CFAP65: variants seen among roughly 807,000 people sequenced by gnomAD.
CFAP65 encodes cilia and flagella associated protein 65.
A neutral mutation model predicts 208.0 loss-of-function variants in CFAP65; 155 were observed. The observed-to-expected ratio is 0.75, with a 90% CI of 0.65 to 0.85. CFAP65 has a LOEUF of 0.85. Ranked by LOEUF, CFAP65 falls within the 40% of genes least tolerant of loss-of-function variation. CFAP65 has a pLI of 0.00. For synonymous variants in CFAP65, 970 were observed against 986.3 expected, an observed-to-expected ratio of 0.98 and a Z score of 0.31; for missense variants, 2,294 against 2,451.3, an observed-to-expected ratio of 0.94 and a Z score of 1.36.
At chr2:219,035,785 GA>G in intron 4 of CFAP65, 121 bp from the exon 5 acceptor site, 1 of 1,456,814 alleles carries the variant, frequency 6.9e-7, no homozygotes, top group Non-Finnish European at 9.0e-7. Context: ...AAGACAAGAA[GA>G]AAAACGATGA....
rs1948139597 is a variant in CFAP65, at chr2:219,032,895, G to A, written c.543-323C>T. On this transcript the variant is annotated intron_variant, in intron 5 of 34. Transcript: ENST00000341552. The surrounding 1 kb of genome is among the most constrained non-coding windows in gnomAD (Gnocchi z 5.5). ...ATTTTAAAGAGTCCGCAAGCACTGA[G>A]GTGGGGGAACCAAGGCTGAGGAGGG... Among the ~76,000 whole-genome samples, 1 of 152,162 alleles carries A rather than the reference G, an allele frequency of 6.6e-6. No individual in the cohort carries two copies. The highest frequency in any genetic ancestry group is 1.5e-5 in the Non-Finnish European group (1 of 68,024).
intron 2 of CFAP65, among the ~76,000 whole-genome samples, chr2:219,040,253 A>G (rs1401036589): frequency 6.6e-6 from 1 of 152,122 alleles, no homozygotes; most frequent in Non-Finnish European, 1.5e-5. Context: ...CCTTATTTTA[A>G]TGTGTTCAGA....
intron 29 of CFAP65, among the ~76,000 whole-genome samples, chr2:219,007,182 G>GTTT (rs772921583): frequency 3.5e-5 from 5 of 143,082 alleles, no homozygotes; most frequent in Non-Finnish European, 7.7e-5. Context: ...TTTTTTCTTT[G>GTTT]TTTTTTTTTT....
chr2:219,004,517 T>C lies in CFAP65; in HGVS notation c.5052-62A>G. ...GGGCCCTGAAGCCCCTGGGGAGCCC[T>C]GGCTTCAGAGCTAGGTTCTAGGTGG... On this transcript the variant is annotated intron_variant, in intron 32 of 34. Transcript: ENST00000341552. This position sits in a 1 kb window ranked among gnomAD's most constrained non-coding sequence, Gnocchi z 4.7. 1 of 1,528,114 alleles carries C rather than the reference T, an allele frequency of 6.5e-7. No individual in the cohort carries two copies. 94.7% of individuals were successfully genotyped at this position (1,528,114 alleles called of 1,614,324 possible). A position where few individuals can be genotyped will look rare whatever the true frequency, so the allele number is the denominator to read the frequency against.
intron 27 of CFAP65, among the ~76,000 whole-genome samples, chr2:219,009,727 G>A (rs1162163627): frequency 1.2e-5 from 1 of 82,572 alleles, no homozygotes; most frequent in African/African-American, 5.5e-5. Flanking sequence ...GGAGTAGAAT[G>A]GGGTGGGGTG....
chr2:219,040,988 T>A (rs1948626031), intron 1 of CFAP65, among the ~76,000 whole-genome samples: 2 of 152,286 alleles, frequency 1.3e-5, no homozygotes, highest in Admixed American at 1.3e-4. Context: ...GTTATAGTAA[T>A]TAACAACCAT....
At chr2:219,022,507 T>A (rs1217178713) in intron 16 of CFAP65, among the ~76,000 whole-genome samples, 178 bp from the exon 17 acceptor site, 40 of 152,136 alleles carry the variant, frequency 2.6e-4, no homozygotes, top group Non-Finnish European at 1.5e-5. Flanking sequence ...CAATCCTATA[T>A]CCCCACGGGG....
At position 219,038,233 on chromosome 2, in the gene CFAP65, AG is replaced by A. The variant is rs1373304738; in HGVS notation, c.357+141del. 11 of 703,610 alleles carry A rather than the reference AG, an allele frequency of 1.6e-5. No homozygotes were observed. The Admixed American group carries it at 3.0e-4, about 19-fold the overall frequency. 43.6% of individuals were successfully genotyped at this position (703,610 alleles called of 1,614,324 possible). ...AGTGACTCATGGAAGAAAGGTGACA[AG>A]GAAAGTCTAGACAAGGTCTAGTGCT... On this transcript the variant is annotated intron_variant, in intron 4 of 34. Coordinates refer to ENST00000341552, the MANE Select transcript of CFAP65 (RefSeq NM_194302.4).
chr2:219,031,929 T>TC lies in CFAP65; in HGVS notation c.646-272_646-271insG, dbSNP rs1242038550. Among the ~76,000 whole-genome samples, 8 of 103,478 alleles carry TC rather than the reference T, an allele frequency of 7.7e-5. No individual in the cohort carries two copies. In the East Asian group the frequency reaches 1.9e-3, roughly 24 times the overall value. 67.9% of individuals were successfully genotyped at this position (103,478 alleles called of 152,430 possible). ...AGAAGGGGTTTCTTTTCTTTTCTTT[T>TC]TTTTTTTTTTTTTTTGAGTCTCGCT... On this transcript the variant is annotated intron_variant, in intron 6 of 34. Transcript: ENST00000341552. This position sits in a 1 kb window ranked among gnomAD's most constrained non-coding sequence, Gnocchi z 5.2.
At position 219,006,116 on chromosome 2, in the gene CFAP65, T is replaced by C. The variant is rs1257670564; in HGVS notation, c.4827A>G (p.Pro1609=). ...VSWPCPQPPS[P]GMLCLGLTAR... ...CAGTAAGGCCCAGGCAGAGCATGCC[T>C]GGCGAGGGTGGCTGGGGGCAGGGCC... Residue 1609 remains proline, a synonymous_variant, in exon 31 of 35, where the codon CCA becomes CCG. Transcript: ENST00000341552. 1.2e-6 allele frequency: 2 copies of C among 1,613,646 alleles called. No homozygotes were observed. Among genetic ancestry groups the C allele is most frequent in the Admixed American group, 1.7e-5 (1 of 60,024 alleles).
chr2:219,020,631 C>G (rs1947207836), intron 19 of CFAP65, among the ~76,000 whole-genome samples: 1 of 152,214 alleles, frequency 6.6e-6, no homozygotes, highest in Non-Finnish European at 1.5e-5. Flanking sequence ...CTTCCCACCT[C>G]AGCTTCCCAA....
intron 11 of CFAP65, among the ~76,000 whole-genome samples, chr2:219,028,938 T>C (rs1281142725): frequency 1.3e-5 from 2 of 152,246 alleles, no homozygotes; most frequent in African/African-American, 4.8e-5. Context: ...TTTGCCATCT[T>C]GGCCAGGCAC....
chr2:219,032,664 G>C lies in CFAP65; in HGVS notation c.543-92C>G. The C allele has an allele frequency of 9.0e-7, 1 of 1,106,054 alleles. No individual in the cohort carries two copies. The highest frequency in any genetic ancestry group is 1.3e-6 in the Non-Finnish European group (1 of 763,870). 68.5% of individuals were successfully genotyped at this position (1,106,054 alleles called of 1,614,324 possible). ...CGAGGGAAGCCCTGCAGCCAAGGGA[G>C]CTTGAGTCCCTGGGACCACAGAGAA... On this transcript the variant is annotated intron_variant, in intron 5 of 34. Transcript: ENST00000341552. The surrounding 1 kb of genome is among the most constrained non-coding windows in gnomAD (Gnocchi z 5.5).
chr2:219,039,581 T>C (rs759997311), intron 2 of CFAP65, among the ~76,000 whole-genome samples: 5 of 152,224 alleles, frequency 3.3e-5, no homozygotes, highest in Non-Finnish European at 5.9e-5. Flanking sequence ...GCAATCCACA[T>C]GTGTACTTTA....
At chr2:219,022,722 C>T (rs1471047334) in intron 16 of CFAP65, among the ~76,000 whole-genome samples, 1 of 152,186 alleles carries the variant, frequency 6.6e-6, no homozygotes, top group Non-Finnish European at 1.5e-5. Context: ...TGCTTCTTGT[C>T]CCAAGTTTGG....
Position 219,003,359 on chromosome 2 carries a change from G to A in CFAP65, c.5556-87C>T. The A allele has an allele frequency of 7.1e-7, 1 of 1,412,062 alleles. No individual in the cohort carries two copies. The highest frequency in any genetic ancestry group is 1.5e-5 in the South Asian group (1 of 67,214). 87.5% of individuals were successfully genotyped at this position (1,412,062 alleles called of 1,614,324 possible). A position where few individuals can be genotyped will look rare whatever the true frequency, so the allele number is the denominator to read the frequency against. Reference sequence around the variant, plus strand: ...CTGTCCGTGCGGTACATTGTGCCGCGAGCTCTACGGAGATTCCCATTCGAC... The same window carrying A: ...CTGTCCGTGCGGTACATTGTGCCGCAAGCTCTACGGAGATTCCCATTCGAC... On this transcript the variant is annotated intron_variant, in intron 33 of 34. Coordinates refer to ENST00000341552, the MANE Select transcript of CFAP65 (RefSeq NM_194302.4). This position sits in a 1 kb window ranked among gnomAD's most constrained non-coding sequence, Gnocchi z 4.4.
chr2:219,024,476 G>A (rs975485281), intron 14 of CFAP65, among the ~76,000 whole-genome samples: 16 of 61,596 alleles, frequency 2.6e-4, no homozygotes, highest in South Asian at 6.1e-4. Flanking sequence ...AGAAAGGGGC[G>A]GGGGGGGGGC....
Position 219,038,356 on chromosome 2 carries a change from G to C in CFAP65, c.357+19C>G. On this transcript the variant is annotated intron_variant, in intron 4 of 34. Transcript: ENST00000341552. Reference sequence around the variant, plus strand: ...GGCCCTGCCACACCCTGCTCTGCCTGCCCTGGCTGTATCCTTACCTGGGCG... The same window carrying C: ...GGCCCTGCCACACCCTGCTCTGCCTCCCCTGGCTGTATCCTTACCTGGGCG... 3 of 1,611,604 alleles carry C rather than the reference G, an allele frequency of 1.9e-6. No individual in the cohort carries two copies. The highest frequency in any genetic ancestry group is 2.5e-6 in the Non-Finnish European group (3 of 1,179,610).
At chr2:219,040,086 T>G (rs1948581685) in intron 2 of CFAP65, among the ~76,000 whole-genome samples, 1 of 152,068 alleles carries the variant, frequency 6.6e-6, no homozygotes. Flanking sequence ...CAGGCTGGAG[T>G]GCAGTGGCAA....
Sources: gnomAD v4.1 joint callset for allele counts (sites outside exome capture counted in the v4.1 genomes callset) on GRCh38, gnomAD v4.1.1 for gene constraint, Gnocchi (gnomAD v3.1) non-coding constraint, MANE v1.5 for transcripts, NCBI Gene and HGNC (gene_info 2026-07-23, HGNC 2026-07-21) for gene names.